The following RNF38 variants were observed in gnomAD, a reference collection of about 807,000 sequenced individuals.
RNF38 encodes E3 ubiquitin-protein ligase RNF38.
In RNF38, 15 loss-of-function variants were observed where a neutral mutation model predicts 67.2. The observed-to-expected ratio is 0.22, with a 90% CI of 0.15 to 0.34. The LOEUF is 0.34. Among genes scored for constraint, RNF38 ranks in the 10% least tolerant of loss-of-function variants. The probability of loss-of-function intolerance (pLI) is 1.00; values close to 1 mark genes in which losing one functional copy is unlikely to be tolerated. For missense variants in RNF38, 524 were observed against 639.9 expected (o/e 0.82, Z 1.95); for synonymous variants, 220 against 218.8 (o/e 1.01, Z -0.05).
At chr9:36,421,449 A>T (rs1211927690) in intron 2 of RNF38, among the ~76,000 whole-genome samples, 6 of 152,006 alleles carry the variant, frequency 3.9e-5, no homozygotes. Context: ...GGATCACTTG[A>T]GGTCAGGAGT....
Position 36,369,787 on chromosome 9 carries a change from G to C in RNF38, c.502C>G (p.Pro168Ala). 1.9e-6 allele frequency: 3 copies of C among 1,614,058 alleles called. No homozygotes were observed. The highest frequency in any genetic ancestry group is 2.5e-6 in the Non-Finnish European group (3 of 1,180,026). Residue 168 changes from proline to alanine, a missense_variant, in exon 4 of 12, where the codon CCC becomes GCC. This residue lies in a region of RNF38 where 461 missense variants were observed against 517.4 expected (regional missense o/e 0.89). Coordinates refer to ENST00000259605, the MANE Select transcript of RNF38 (RefSeq NM_022781.5). The part of the protein sequence containing the change: ...PRAFHPPNVS[P>A]RLLHPAAHPP... The stretch of plus-strand genomic sequence containing the variant: ...TGAGCAGCAGGATGTAGCAGACGGG[G>C]AGATACATTCGGAGGGTGGAAGGCT...
chr9:36,452,896 A>C (rs765856170), intron 1 of RNF38, among the ~76,000 whole-genome samples: 35 of 152,178 alleles, frequency 2.3e-4, no homozygotes, highest in Admixed American at 5.9e-4. Context: ...TTGTTTATTC[A>C]TCAGCGGAAG....
intron 2 of RNF38, among the ~76,000 whole-genome samples, chr9:36,387,155 T>G (rs1836710199): frequency 6.6e-6 from 1 of 152,162 alleles, no homozygotes; most frequent in Admixed American, 6.5e-5. Flanking sequence ...GTTTAACACA[T>G]AATCAAGAAA....
rs953866217 is a variant in RNF38, at chr9:36,400,261, C to G, written c.-153G>C. ...CAGCCTATCCAGAAACCCACGGAAG[C>G]AGAAGGACGCCAGAGAGGACCCTTT... On this transcript the variant is annotated 5_prime_UTR_variant, in exon 1 of 12. Coordinates refer to ENST00000259605, the MANE Select transcript of RNF38 (RefSeq NM_022781.5). 50 of 1,368,324 alleles carry G rather than the reference C, an allele frequency of 3.7e-5. No individual in the cohort carries two copies. The highest frequency in any genetic ancestry group is 4.6e-5 in the Non-Finnish European group (49 of 1,056,100). 84.8% of individuals were successfully genotyped at this position (1,368,324 alleles called of 1,614,324 possible).
exon 1 of RNF38, chr9:36,487,423 TGGGGGGCGC>T: frequency 1.2e-5 from 12 of 975,606 alleles, no homozygotes; most frequent in Non-Finnish European, 1.5e-5. Flanking sequence ...GCGGCGGCGG[TGGGGGGCGC>T]GGGCGGCGCG....
At chr9:36,482,134 A>G (rs1169756491) in intron 1 of RNF38, among the ~76,000 whole-genome samples, 1 of 146,222 alleles carries the variant, frequency 6.8e-6, no homozygotes, top group East Asian at 2.0e-4. Flanking sequence ...GCTTACAGCA[A>G]CCTCTGCCTC....
At chr9:36,349,291 A>C (rs1833523524) in intron 9 of RNF38, among the ~76,000 whole-genome samples, 2 of 152,222 alleles carry the variant, frequency 1.3e-5, no homozygotes, top group Non-Finnish European at 2.9e-5. Context: ...GATTCTTGCC[A>C]ATACTTACTG....
chr9:36,377,470 A>G (rs1276490641), intron 2 of RNF38, among the ~76,000 whole-genome samples: 1 of 152,242 alleles, frequency 6.6e-6, no homozygotes, highest in Non-Finnish European at 1.5e-5. Flanking sequence ...ATTACTTAGC[A>G]GTATTCCAAA....
chr9:36,473,491 G>A (rs1840045302), intron 1 of RNF38, among the ~76,000 whole-genome samples: 1 of 152,134 alleles, frequency 6.6e-6, no homozygotes, highest in Non-Finnish European at 1.5e-5. Flanking sequence ...GGGAGGCTGA[G>A]GCAGGAGAAT....
intron 1 of RNF38, among the ~76,000 whole-genome samples, chr9:36,471,189 C>A (rs1352318176): frequency 2.6e-5 from 4 of 152,178 alleles, no homozygotes; most frequent in Non-Finnish European, 4.4e-5. Flanking sequence ...CAGGAAGTAG[C>A]AAGGTCAATT....
At chr9:36,386,403 G>A (rs867779513) in intron 2 of RNF38, among the ~76,000 whole-genome samples, 2 of 152,158 alleles carry the variant, frequency 1.3e-5, no homozygotes. Context: ...CTAGAATATA[G>A]ATATTTTCAC....
intron 2 of RNF38, among the ~76,000 whole-genome samples, chr9:36,381,972 C>G (rs1010085165): frequency 6.6e-6 from 1 of 152,196 alleles, no homozygotes; most frequent in Non-Finnish European, 1.5e-5. Context: ...TCAGAAACAC[C>G]AGATTGCTTG....
chr9:36,401,177 T>A (rs1022700015), upstream of RNF38: 191 of 982,306 alleles, frequency 1.9e-4, no homozygotes, highest in Non-Finnish European at 2.1e-4. Flanking sequence ...GAACCCCCTT[T>A]GTTTCCACCC....
At chr9:36,454,531 C>A (rs971752706) in intron 1 of RNF38, among the ~76,000 whole-genome samples, 7 of 150,370 alleles carry the variant, frequency 4.7e-5, no homozygotes, top group Non-Finnish European at 8.9e-5. Context: ...TTCTGAAAAC[C>A]TGAGAAAAAA....
chr9:36,391,109 T>A (rs554612615), intron 1 of RNF38, among the ~76,000 whole-genome samples: 1 of 152,200 alleles, frequency 6.6e-6, no homozygotes, highest in Non-Finnish European at 1.5e-5. Flanking sequence ...AGCAAACATA[T>A]GTTTGACTGC....
At chr9:36,485,814 T>C (rs1587230432) in intron 1 of RNF38, among the ~76,000 whole-genome samples, 1 of 152,128 alleles carries the variant, frequency 6.6e-6, no homozygotes, top group African/African-American at 2.4e-5. Context: ...CTTCCCTCTT[T>C]TGTCAAGCCT....
In RNF38 at chr9:36,342,546, T is replaced by C. The variant is rs1314410916; in HGVS notation, c.1386-122A>G. On this transcript the variant is annotated intron_variant, in intron 10 of 11. Coordinates refer to ENST00000259605, the MANE Select transcript of RNF38 (RefSeq NM_022781.5). ...ACGTCACTTAAATTTTTAAACAAAA[T>C]TATCAACCAATACCCTGAAAAAATT... 3.4e-5 allele frequency: 23 copies of C among 679,624 alleles called. 1 individual carries two copies. The highest frequency in any genetic ancestry group is 1.4e-4 in the Admixed American group (6 of 41,388). The allele number at this position is 679,624 out of a possible 1,614,324, so 42.1% of individuals were successfully genotyped here. A position where few individuals can be genotyped will look rare whatever the true frequency, so the allele number is the denominator to read the frequency against.
chr9:36,402,794 A>C (rs1838085394), upstream of RNF38, among the ~76,000 whole-genome samples: 1 of 152,212 alleles, frequency 6.6e-6, no homozygotes, highest in African/African-American at 2.4e-5. Flanking sequence ...TCAAATGGTT[A>C]CGATCTTCAA....
At chr9:36,384,130 G>GT (rs756911818) in intron 2 of RNF38, among the ~76,000 whole-genome samples, 7 of 152,018 alleles carry the variant, frequency 4.6e-5, no homozygotes, top group Non-Finnish European at 8.8e-5. Context: ...TGCTACAATT[G>GT]TAAGTATCAC....
Sources: gnomAD v4.1 joint callset for allele counts (sites outside exome capture counted in the v4.1 genomes callset) on GRCh38, gnomAD v4.1.1 for gene constraint, gnomAD v4.1.1 regional missense constraint, MANE v1.5 for transcripts, NCBI Gene and HGNC (gene_info 2026-07-23, HGNC 2026-07-21) for gene names.